CSMD1: variants seen among roughly 807,000 people sequenced by gnomAD.
The protein encoded by CSMD1 is CUB and Sushi multiple domains 1.
Under a neutral mutation model 417.5 loss-of-function variants are expected in CSMD1, and 213 were observed. That is an observed-to-expected ratio of 0.51 (90% CI 0.46 to 0.57). CSMD1 has a LOEUF of 0.57. Ranked by LOEUF, CSMD1 falls within the 20% of genes least tolerant of loss-of-function variation. The pLI, the probability that CSMD1 is intolerant of heterozygous loss-of-function variation, is 0.00. For synonymous variants in CSMD1, 2,862 were observed against 1,736.8 expected (o/e 1.65, Z -16.11); for missense variants, 6,923 against 4,529.7 (o/e 1.53, Z -15.17).
At chr8:3,596,998 C>A (rs193286563) in intron 8 of CSMD1, among the ~76,000 whole-genome samples, 50 of 152,236 alleles carry the variant, frequency 3.3e-4, no homozygotes, top group Admixed American at 5.2e-4. Flanking sequence ...TTTCTGTGGC[C>A]ATGAATCCAG....
At chr8:4,127,587 T>G (rs1477826829) in intron 3 of CSMD1, among the ~76,000 whole-genome samples, 2 of 152,114 alleles carry the variant, frequency 1.3e-5, no homozygotes, top group African/African-American at 2.4e-5. Context: ...TTCTAATTGT[T>G]TCTACTTTCC....
intron 7 of CSMD1, among the ~76,000 whole-genome samples, chr8:3,624,443 A>C (rs927373917): frequency 1.3e-5 from 2 of 152,250 alleles, no homozygotes; most frequent in African/African-American, 4.8e-5. Flanking sequence ...CCATTTAGAT[A>C]AACTCACACT....
chr8:3,812,284 G>T (rs988607099), intron 5 of CSMD1, among the ~76,000 whole-genome samples: 5 of 152,068 alleles, frequency 3.3e-5, no homozygotes, highest in African/African-American at 9.7e-5. Flanking sequence ...TTTTTGGTGG[G>T]GACTCTAATC....
chr8:4,406,945 G>C (rs1563140702), intron 3 of CSMD1, among the ~76,000 whole-genome samples: 2 of 152,182 alleles, frequency 1.3e-5, no homozygotes, highest in Non-Finnish European at 2.9e-5. Flanking sequence ...TGACTTAAAA[G>C]GGAAGAGTAT....
intron 21 of CSMD1, among the ~76,000 whole-genome samples, chr8:3,349,651 G>C (rs974287856): frequency 1.3e-5 from 2 of 150,520 alleles, no homozygotes; most frequent in Non-Finnish European, 2.9e-5. Flanking sequence ...TTATGTATTT[G>C]TATAATTATA....
chr8:4,792,334 G>C lies in CSMD1; in HGVS notation c.86-154776C>G, dbSNP rs147210072. 4.6e-4 allele frequency among the ~76,000 whole-genome samples: 70 copies of C among 152,296 alleles called. 2 individuals carry two copies. In the East Asian group the frequency reaches 0.012, roughly 26 times the overall value. On this transcript the variant is annotated intron_variant, in intron 1 of 69. Transcript: ENST00000635120. ...GTTCTAAAATTCTTAAAGTAGTCCAGTAGCAAGAAGGAATTTGCTTTAAAA... is the reference window on the plus strand; with the variant it reads ...GTTCTAAAATTCTTAAAGTAGTCCACTAGCAAGAAGGAATTTGCTTTAAAA...
In CSMD1 at chr8:2,999,358, C is replaced by T. The variant is rs551524347; in HGVS notation, c.8203+600G>A. 2.4e-3 allele frequency among the ~76,000 whole-genome samples: 365 copies of T among 152,032 alleles called. 1 individual carries two copies. Among genetic ancestry groups the T allele is most frequent in the Non-Finnish European group, 4.1e-3 (278 of 67,952 alleles). On this transcript the variant is annotated intron_variant, in intron 53 of 69. Transcript: ENST00000635120. ...TTTAGTAGAAATGGGGTTTTGCCATCGGCCAGGCTCGTCTTGAACTCCTGA... is the reference window on the plus strand; with the variant it reads ...TTTAGTAGAAATGGGGTTTTGCCATTGGCCAGGCTCGTCTTGAACTCCTGA...
chr8:4,546,313 A>G (rs891566359), intron 2 of CSMD1, among the ~76,000 whole-genome samples: 3 of 151,916 alleles, frequency 2.0e-5, no homozygotes, highest in African/African-American at 7.3e-5. Context: ...ATGATGGTAA[A>G]TTTTCTGTGT....
At chr8:4,798,126 T>C (rs1427600696) in intron 1 of CSMD1, among the ~76,000 whole-genome samples, 1 of 152,216 alleles carries the variant, frequency 6.6e-6, no homozygotes, top group Non-Finnish European at 1.5e-5. Flanking sequence ...ACTCATCATT[T>C]ACATTAGGTA....
At position 4,857,749 on chromosome 8, in the gene CSMD1, A is replaced by C. The variant is rs375891736; in HGVS notation, c.85+136583T>G. ...AATCTCTGAATAGACCAATAACAGGATCTGAAATTGTGGCAATAATCAATA... is the reference window on the plus strand; with the variant it reads ...AATCTCTGAATAGACCAATAACAGGCTCTGAAATTGTGGCAATAATCAATA... On this transcript the variant is annotated intron_variant, in intron 1 of 69. Coordinates refer to ENST00000635120, the MANE Select transcript of CSMD1 (RefSeq NM_033225.6). Among the ~76,000 whole-genome samples the C allele has an allele frequency of 3.9e-5, 6 of 151,982 alleles. No homozygotes were observed. In the East Asian group the frequency reaches 5.8e-4, roughly 15 times the overall value.
chr8:4,443,504 A>T (rs191533424), intron 2 of CSMD1, among the ~76,000 whole-genome samples: 224 of 152,312 alleles, frequency 1.5e-3, no homozygotes, highest in Non-Finnish European at 2.6e-3. Context: ...TATGCCACAT[A>T]TATTAACACC....
chr8:4,374,459 G>A (rs1353002243), intron 3 of CSMD1, among the ~76,000 whole-genome samples: 5 of 152,084 alleles, frequency 3.3e-5, no homozygotes, highest in Middle Eastern at 3.2e-3. Flanking sequence ...TCTGTCCTAC[G>A]GAGTGAAAGG....
intron 3 of CSMD1, among the ~76,000 whole-genome samples, chr8:4,329,963 TGA>T (rs1474867920): frequency 6.6e-6 from 1 of 152,132 alleles, no homozygotes; most frequent in African/African-American, 2.4e-5. Context: ...GGAAGCTCCC[TGA>T]GGTCTCCCCA....
chr8:3,913,232 C>T (rs543035658), intron 5 of CSMD1, among the ~76,000 whole-genome samples: 1 of 152,260 alleles, frequency 6.6e-6, no homozygotes, highest in East Asian at 1.9e-4. Flanking sequence ...TTGGAATAAA[C>T]ATTCAGGAAT....
At chr8:4,332,085 T>C (rs929667263) in intron 3 of CSMD1, among the ~76,000 whole-genome samples, 1 of 152,182 alleles carries the variant, frequency 6.6e-6, no homozygotes, top group Non-Finnish European at 1.5e-5. Flanking sequence ...GAATCATCTA[T>C]TTTTAATTTT....
intron 3 of CSMD1, among the ~76,000 whole-genome samples, chr8:4,069,523 G>A (rs1799434398): frequency 6.6e-6 from 1 of 152,166 alleles, no homozygotes; most frequent in South Asian, 2.1e-4. Context: ...AATGATCGAT[G>A]ATTTGTTCTT....
At position 3,632,714 on chromosome 8, in the gene CSMD1, A is replaced by T. The variant is rs563632126; in HGVS notation, c.1010-15917T>A. Among the ~76,000 whole-genome samples the T allele has an allele frequency of 1.4e-4, 21 of 152,208 alleles. No individual in the cohort carries two copies. In the South Asian group the frequency reaches 2.5e-3, roughly 18 times the overall value. ...ACTATTTAGGCACAGGAATGACTTCAGTTAAAAAGATGACCACACCAATGT... is the reference window on the plus strand; with the variant it reads ...ACTATTTAGGCACAGGAATGACTTCTGTTAAAAAGATGACCACACCAATGT... On this transcript the variant is annotated intron_variant, in intron 7 of 69. Coordinates refer to ENST00000635120, the MANE Select transcript of CSMD1 (RefSeq NM_033225.6).
intron 5 of CSMD1, among the ~76,000 whole-genome samples, chr8:3,926,809 G>A (rs937659111): frequency 9.2e-5 from 13 of 141,750 alleles, no homozygotes; most frequent in South Asian, 6.7e-4. Context: ...TCTGCCTCCC[G>A]GGTTCAAGCA....
intron 5 of CSMD1, among the ~76,000 whole-genome samples, chr8:3,811,631 C>G (rs936227864): frequency 2.0e-5 from 3 of 152,140 alleles, no homozygotes; most frequent in Non-Finnish European, 4.4e-5. Flanking sequence ...GGACCAGGCT[C>G]AAGTCAGGCC....
Sources: allele counts gnomAD v4.1 joint callset (sites outside exome capture counted in the v4.1 genomes callset), GRCh38; gene constraint gnomAD v4.1.1; transcripts MANE v1.5; gene names NCBI Gene and HGNC (gene_info 2026-07-23, HGNC 2026-07-21).